TNPO1: variants seen among roughly 807,000 people sequenced by gnomAD.
The protein encoded by TNPO1 is transportin 1.
TNPO1 carries 8 observed loss-of-function variants against 119.5 expected under a neutral mutation model. That is an observed-to-expected ratio of 0.07 (90% CI 0.04 to 0.12). The LOEUF is 0.12. TNPO1 is among the 10% of genes least tolerant of loss of function. TNPO1 has a pLI of 1.00. For missense variants in TNPO1, 576 were observed against 1,089.8 expected, an observed-to-expected ratio of 0.53 and a Z score of 6.64; for synonymous variants, 362 against 363.0, an observed-to-expected ratio of 1.00 and a Z score of 0.03.
At chr5:72,829,058 G>A (rs1024789257) in intron 1 of TNPO1, among the ~76,000 whole-genome samples, 3 of 152,182 alleles carry the variant, frequency 2.0e-5, no homozygotes, top group Non-Finnish European at 4.4e-5. Context: ...ATAGGGTTGA[G>A]TTGGCAGTAT....
chr5:72,868,040 A>G (rs1314043481), intron 6 of TNPO1, among the ~76,000 whole-genome samples: 2 of 152,182 alleles, frequency 1.3e-5, no homozygotes, highest in Non-Finnish European at 2.9e-5. Flanking sequence ...ATTGATTTAC[A>G]GGAATTCTCA....
chr5:72,871,228 C>T (rs1335581115), intron 6 of TNPO1, among the ~76,000 whole-genome samples: 16 of 152,228 alleles, frequency 1.1e-4, no homozygotes, highest in African/African-American at 3.6e-4. Flanking sequence ...CCGCCCGCCT[C>T]GGCCTCCCAA....
At chr5:72,850,511 T>G (rs962074614) in intron 2 of TNPO1, among the ~76,000 whole-genome samples, 1 of 152,232 alleles carries the variant, frequency 6.6e-6, no homozygotes, top group Non-Finnish European at 1.5e-5. Flanking sequence ...ACAAAACATT[T>G]TAATCTTTCT....
intron 1 of TNPO1, among the ~76,000 whole-genome samples, chr5:72,844,869 CT>C (rs2112228127): frequency 6.6e-6 from 1 of 152,286 alleles, no homozygotes; most frequent in South Asian, 2.1e-4. Context: ...GCCAGTCTGG[CT>C]TCTTTACTTC....
chr5:72,848,795 T>A (rs981085839), intron 2 of TNPO1, among the ~76,000 whole-genome samples: 2 of 147,770 alleles, frequency 1.4e-5, no homozygotes, highest in Non-Finnish European at 3.0e-5. Context: ...GATCGCGACA[T>A]GTGCGCGGGC....
rs1178776750 is a variant in TNPO1 at position 72,883,161 on chromosome 5, A to G, written c.1079A>G (p.Asp360Gly). 1.2e-6 allele frequency: 2 copies of G among 1,612,858 alleles called. No homozygotes were observed. Among genetic ancestry groups the G allele is most frequent in the Non-Finnish European group, 8.5e-7 (1 of 1,178,840 alleles). The change falls in exon 11 of 25, where the codon GAT becomes GGT. Residue 360 changes from aspartate to glycine, a missense_variant. Coordinates refer to ENST00000337273, the MANE Select transcript of TNPO1 (RefSeq NM_002270.4). Reference sequence around the variant, plus strand: ...ACGGTGGCTCAGCAGCATGATGAAGATGGAATTGAAGAGGAAGATGATGAT... The same window carrying G: ...ACGGTGGCTCAGCAGCATGATGAAGGTGGAATTGAAGAGGAAGATGATGAT... ...SRTVAQQHDE[D>G]GIEEEDDDDD... is the part of the protein sequence containing the mutation.
chr5:72,842,591 C>A (rs1461903694), intron 1 of TNPO1, among the ~76,000 whole-genome samples: 1 of 152,190 alleles, frequency 6.6e-6, no homozygotes, highest in Non-Finnish European at 1.5e-5. Context: ...TGAAACAGGA[C>A]TGCCCTTCCC....
At chr5:72,848,120 T>G (rs1277219065) in intron 1 of TNPO1, 4 of 1,144,048 alleles carry the variant, frequency 3.5e-6, no homozygotes, top group African/African-American at 1.6e-5. Context: ...AAATTCGCGG[T>G]GACTCAGTCT....
At chr5:72,887,476 G>A (rs1012740373) in intron 12 of TNPO1, among the ~76,000 whole-genome samples, 5 of 152,182 alleles carry the variant, frequency 3.3e-5, no homozygotes, top group Non-Finnish European at 5.9e-5. Context: ...GATTACCTGA[G>A]ATGGTTTCAA....
chr5:72,887,965 T>A, intron 12 of TNPO1, 113 bp from the exon 13 acceptor site: 1 of 977,202 alleles, frequency 1.0e-6, no homozygotes, highest in Admixed American at 2.4e-5. Context: ...GTAGTATGTG[T>A]ATAGCAGTAG....
chr5:72,850,797 G>A (rs1171032432), intron 2 of TNPO1, among the ~76,000 whole-genome samples: 1 of 152,124 alleles, frequency 6.6e-6, no homozygotes, highest in Non-Finnish European at 1.5e-5. Flanking sequence ...ATGAGTCTGA[G>A]AAGTATCTTT....
chr5:72,825,563 T>C (rs1171509151), intron 1 of TNPO1, among the ~76,000 whole-genome samples: 2 of 152,202 alleles, frequency 1.3e-5, no homozygotes, highest in Non-Finnish European at 2.9e-5. Context: ...GGCACGTGCC[T>C]GTAGTCCCAG....
In TNPO1 at chr5:72,875,689, C is replaced by G. The variant is rs1028474279; in HGVS notation, c.753C>G (p.Leu251=). The G allele has an allele frequency of 2.5e-6, 4 of 1,613,186 alleles. No homozygotes were observed. Among genetic ancestry groups the G allele is most frequent in the Non-Finnish European group, 3.4e-6 (4 of 1,179,422 alleles). Residue 251 remains leucine, a synonymous_variant, in exon 8 of 25, where the codon CTC becomes CTG. Transcript: ENST00000337273. ...KNVCRALVML[L]EVRMDRLLPH... is the part of the protein sequence containing the mutation. ...TGTGCCGAGCACTTGTGATGTTGCT[C>G]GAAGTTCGAATGGATCGCCTGCTTC...
At chr5:72,882,986 A>T (rs553911526) in intron 10 of TNPO1, 78 bp from the exon 11 acceptor site, 2 of 1,010,394 alleles carry the variant, frequency 2.0e-6, no homozygotes, top group East Asian at 4.8e-5. Context: ...ATCTCTGGAT[A>T]TTCTGTTTCT....
intron 13 of TNPO1, 100 bp downstream of exon 13, chr5:72,888,403 C>G: frequency 9.5e-7 from 1 of 1,048,054 alleles, no homozygotes; most frequent in Non-Finnish European, 1.4e-6. Context: ...TGAAGTGTTT[C>G]GTAATTGAAA....
intron 15 of TNPO1, among the ~76,000 whole-genome samples, chr5:72,892,815 C>T (rs1042472269): frequency 1.3e-5 from 2 of 152,154 alleles, no homozygotes; most frequent in African/African-American, 4.8e-5. Flanking sequence ...CCATTCACAA[C>T]ATTGACCAGG....
intron 5 of TNPO1, 126 bp downstream of exon 5, chr5:72,862,040 G>T: frequency 3.3e-6 from 2 of 613,264 alleles, no homozygotes; most frequent in South Asian, 2.1e-5. Context: ...GAAACCTAAA[G>T]TTACCTTTGT....
intron 2 of TNPO1, among the ~76,000 whole-genome samples, chr5:72,849,923 A>AT (rs1326771819): frequency 6.6e-6 from 1 of 152,196 alleles, no homozygotes; most frequent in African/African-American, 2.4e-5. Flanking sequence ...CTGTGGCACC[A>AT]TATATCATAA....
chr5:72,828,059 TATAG>T (rs1744284734), intron 1 of TNPO1, among the ~76,000 whole-genome samples: 3 of 152,222 alleles, frequency 2.0e-5, no homozygotes, highest in Admixed American at 6.5e-5. Flanking sequence ...GATGAGATTA[TATAG>T]ATAGTGAATA....
Sources: gnomAD v4.1 joint callset for allele counts (sites outside exome capture counted in the v4.1 genomes callset) on GRCh38, gnomAD v4.1.1 for gene constraint, MANE v1.5 for transcripts, NCBI Gene and HGNC (gene_info 2026-07-23, HGNC 2026-07-21) for gene names.